Variants in CTIF observed in about 807,000 individuals in gnomAD.
CTIF encodes cap binding complex dependent translation initiation factor.
Under a neutral mutation model 66.0 loss-of-function variants are expected in CTIF, and 21 were observed. The ratio of observed to expected loss-of-function variants is 0.32; its 90% CI spans 0.23 to 0.46. The LOEUF (loss-of-function observed/expected upper bound fraction) is 0.46. CTIF is among the 20% of genes least tolerant of loss of function. CTIF has a pLI of 1.00. For synonymous variants in CTIF, 345 were observed against 326.4 expected (o/e 1.06, Z -0.62); for missense variants, 739 against 812.7 (o/e 0.91, Z 1.10).
intron 7 of CTIF, chr18:48,756,030 A>G (rs1227308227): frequency 6.6e-6 from 1 of 152,214 alleles, no homozygotes; most frequent in African/African-American, 2.4e-5. Context: ...CAGAAACACC[A>G]TGAGGCCTGA....
At chr18:48,571,499 C>T (rs2089415382) in intron 1 of CTIF, among the ~76,000 whole-genome samples, 1 of 152,182 alleles carries the variant, frequency 6.6e-6, no homozygotes, top group Non-Finnish European at 1.5e-5. Flanking sequence ...TTCAGTGTTT[C>T]TTCATGCATG....
intron 1 of CTIF, among the ~76,000 whole-genome samples, chr18:48,611,205 T>C (rs917039843): frequency 6.6e-6 from 1 of 152,194 alleles, no homozygotes; most frequent in Non-Finnish European, 1.5e-5. Flanking sequence ...AGCATAGATA[T>C]CAGGAACTAC....
intron 7 of CTIF, among the ~76,000 whole-genome samples, chr18:48,745,356 T>G (rs1469824398): frequency 1.3e-5 from 2 of 152,240 alleles, no homozygotes; most frequent in African/African-American, 4.8e-5. Flanking sequence ...CTGGCAAAGG[T>G]GGTGACTGCC....
At chr18:48,575,913 C>T (rs1568043037) in intron 1 of CTIF, among the ~76,000 whole-genome samples, 1 of 152,258 alleles carries the variant, frequency 6.6e-6, no homozygotes, top group Non-Finnish European at 1.5e-5. Flanking sequence ...GAGTGCTTTG[C>T]TGACTCTAAC....
intron 9 of CTIF, among the ~76,000 whole-genome samples, chr18:48,776,368 CATG>C (rs927524213): frequency 1.3e-4 from 15 of 111,192 alleles, no homozygotes; most frequent in Middle Eastern, 4.3e-3. Flanking sequence ...GGAGGGGGAG[CATG>C]ATGCCACCCC....
At chr18:48,700,973 C>T (rs1476193649) in intron 6 of CTIF, among the ~76,000 whole-genome samples, 2 of 152,238 alleles carry the variant, frequency 1.3e-5, no homozygotes, top group African/African-American at 2.4e-5. Context: ...TCCTCAAGTA[C>T]ATAAAACTCT....
chr18:48,613,580 G>A (rs556973607), intron 1 of CTIF, among the ~76,000 whole-genome samples: 1 of 152,338 alleles, frequency 6.6e-6, no homozygotes, highest in African/African-American at 2.4e-5. Context: ...CTTAAAAATA[G>A]CCAGGCTAAC....
chr18:48,635,586 A>T (rs568399576), intron 2 of CTIF, among the ~76,000 whole-genome samples: 1 of 152,120 alleles, frequency 6.6e-6, no homozygotes, highest in East Asian at 1.9e-4. Flanking sequence ...TTGGCCTCCC[A>T]AAGTGCTGGA....
intron 9 of CTIF, among the ~76,000 whole-genome samples, chr18:48,780,976 C>T (rs970787664): frequency 1.3e-5 from 2 of 152,212 alleles, no homozygotes; most frequent in African/African-American, 2.4e-5. Flanking sequence ...ACTCAGATCG[C>T]AAAAGACTAG....
chr18:48,691,403 A>C (rs5007091), intron 6 of CTIF, among the ~76,000 whole-genome samples: 1 of 151,866 alleles, frequency 6.6e-6, no homozygotes, highest in Non-Finnish European at 1.5e-5. Context: ...GTATTTTCCC[A>C]TACATAACTT....
chr18:48,627,010 A>G (rs775586116), intron 2 of CTIF, among the ~76,000 whole-genome samples: 1 of 152,222 alleles, frequency 6.6e-6, no homozygotes, highest in African/African-American at 2.4e-5. Context: ...AACAATTGGA[A>G]AAACAGAGGC....
chr18:48,665,013 C>T (rs1275956894), intron 5 of CTIF, among the ~76,000 whole-genome samples: 2 of 150,434 alleles, frequency 1.3e-5, no homozygotes, highest in Non-Finnish European at 3.0e-5. Context: ...TTCCCGGGTT[C>T]ACGCCATTCT....
chr18:48,836,820 C>T (rs572181461), intron 10 of CTIF, among the ~76,000 whole-genome samples: 35 of 152,320 alleles, frequency 2.3e-4, no homozygotes, highest in African/African-American at 7.9e-4. Context: ...TCCTGGGCAC[C>T]GCACATAGAT....
intron 5 of CTIF, 163 bp from the exon 6 acceptor site, chr18:48,670,506 A>C: frequency 1.5e-5 from 9 of 588,160 alleles, no homozygotes; most frequent in East Asian, 3.0e-5. Flanking sequence ...ACACACACAC[A>C]GCTTCTCTAG....
chr18:48,741,864 C>G (rs1364141568), intron 7 of CTIF, among the ~76,000 whole-genome samples: 2 of 152,194 alleles, frequency 1.3e-5, no homozygotes, highest in Non-Finnish European at 2.9e-5. Context: ...GAAGGGAGCA[C>G]AGGGCGCCTC....
At chr18:48,849,286 G>A (rs1475661937) in intron 10 of CTIF, among the ~76,000 whole-genome samples, 7 of 139,246 alleles carry the variant, frequency 5.0e-5, no homozygotes, top group Admixed American at 3.7e-4. Context: ...CAACCTCTGC[G>A]ACCTGGGTTC....
At chr18:48,671,558 A>T (rs865905704) in intron 6 of CTIF, among the ~76,000 whole-genome samples, 5 of 152,300 alleles carry the variant, frequency 3.3e-5, no homozygotes, top group South Asian at 2.1e-4. Flanking sequence ...CCTATCAATG[A>T]GAGACAATAG....
chr18:48,847,871 A>T (rs1352770894), intron 10 of CTIF, among the ~76,000 whole-genome samples: 3 of 152,166 alleles, frequency 2.0e-5, no homozygotes, highest in African/African-American at 7.2e-5. Flanking sequence ...TGGATAGATT[A>T]TCTACTTCCC....
intron 9 of CTIF, among the ~76,000 whole-genome samples, chr18:48,763,687 T>C (rs112191033): frequency 2.8e-3 from 432 of 152,306 alleles, no homozygotes; most frequent in African/African-American, 1.0e-2. Flanking sequence ...CCGTTGGAGC[T>C]TGGCCTCTAT....
Sources: allele counts gnomAD v4.1 joint callset (sites outside exome capture counted in the v4.1 genomes callset), GRCh38; gene constraint gnomAD v4.1.1; transcripts MANE v1.5; gene names NCBI Gene and HGNC (gene_info 2026-07-23, HGNC 2026-07-21).